PIP5K1B: variants seen among roughly 807,000 people sequenced by gnomAD.
PIP5K1B encodes the protein phosphatidylinositol 4-phosphate 5-kinase type-1 beta.
Under a neutral mutation model 67.0 loss-of-function variants are expected in PIP5K1B, and 42 were observed. That is an observed-to-expected ratio of 0.63 (90% confidence interval 0.49 to 0.81). The LOEUF is 0.81. Among genes scored for constraint, PIP5K1B ranks in the 30% least tolerant of loss-of-function variants. The probability of loss-of-function intolerance (pLI) is 0.00; values close to 1 mark genes in which losing one functional copy is unlikely to be tolerated. For synonymous variants in PIP5K1B, 214 were observed against 231.4 expected (o/e 0.92, Z 0.68); for missense variants, 459 against 646.3 (o/e 0.71, Z 3.14).
intron 14 of PIP5K1B, among the ~76,000 whole-genome samples, chr9:68,988,955 C>T (rs1197059214): frequency 2.6e-5 from 4 of 151,666 alleles, no homozygotes; most frequent in Non-Finnish European, 5.9e-5. Context: ...ATTAGCGGGA[C>T]GTGGTGGCGG....
intron 12 of PIP5K1B, among the ~76,000 whole-genome samples, chr9:68,930,107 C>T (rs180687026): frequency 3.3e-4 from 51 of 152,320 alleles, no homozygotes; most frequent in Admixed American, 8.5e-4. Flanking sequence ...CCTTGGTATC[C>T]TTTGGAAGCT....
chr9:68,893,403 G>A (rs771551449), intron 7 of PIP5K1B, among the ~76,000 whole-genome samples: 2 of 130,412 alleles, frequency 1.5e-5, no homozygotes, highest in African/African-American at 2.9e-5. Context: ...GCATGATCTC[G>A]GCTTAGTGCA....
chr9:68,966,986 A>G (rs937364797), intron 14 of PIP5K1B, among the ~76,000 whole-genome samples: 2 of 152,162 alleles, frequency 1.3e-5, no homozygotes, highest in Non-Finnish European at 2.9e-5. Flanking sequence ...ACTATGATTG[A>G]TTTATTATGC....
intron 2 of PIP5K1B, among the ~76,000 whole-genome samples, chr9:68,747,245 C>A (rs369416789): frequency 2.4e-4 from 35 of 147,792 alleles, no homozygotes; most frequent in Non-Finnish European, 1.6e-4. Context: ...AGGCTTATCT[C>A]GTATGTGCAC....
At chr9:68,880,847 C>G (rs936473570) in intron 6 of PIP5K1B, among the ~76,000 whole-genome samples, 2 of 152,186 alleles carry the variant, frequency 1.3e-5, no homozygotes, top group African/African-American at 4.8e-5. Flanking sequence ...CTGGGGACAC[C>G]TGCAGCACAG....
intron 4 of PIP5K1B, chr9:68,824,381 C>T: frequency 2.4e-6 from 1 of 415,926 alleles, no homozygotes; most frequent in South Asian, 1.8e-5. Context: ...AGCAGGTTTT[C>T]AATAATTAGT....
At chr9:68,780,176 G>A in intron 2 of PIP5K1B, 1 of 1,525,388 alleles carries the variant, frequency 6.6e-7, no homozygotes, top group South Asian at 1.3e-5. Flanking sequence ...TGGCTCAGGA[G>A]AAGATGGAGC....
chr9:68,899,994 C>T (rs1270173763), intron 8 of PIP5K1B, among the ~76,000 whole-genome samples: 1 of 152,198 alleles, frequency 6.6e-6, no homozygotes, highest in Non-Finnish European at 1.5e-5. Flanking sequence ...GTGCAACTCC[C>T]ATTTAGAAGT....
chr9:68,773,242 C>T (rs998845055), intron 2 of PIP5K1B, among the ~76,000 whole-genome samples: 4 of 152,218 alleles, frequency 2.6e-5, no homozygotes, highest in African/African-American at 9.7e-5. Context: ...TCCTCCACCC[C>T]CTTGGCAAAT....
intron 1 of PIP5K1B, among the ~76,000 whole-genome samples, chr9:68,718,892 T>C (rs998530350): frequency 1.2e-4 from 19 of 152,196 alleles, no homozygotes; most frequent in African/African-American, 4.6e-4. Flanking sequence ...TCACTCATTG[T>C]TGGCTATTGA....
intron 2 of PIP5K1B, among the ~76,000 whole-genome samples, chr9:68,762,159 T>C (rs1457427540): frequency 6.6e-6 from 1 of 152,104 alleles, no homozygotes; most frequent in African/African-American, 2.4e-5. Flanking sequence ...AAGGTTCTTT[T>C]ACCTAAGATC....
intron 4 of PIP5K1B, among the ~76,000 whole-genome samples, chr9:68,833,568 C>A (rs1446846975): frequency 6.6e-6 from 1 of 151,988 alleles, no homozygotes; most frequent in Non-Finnish European, 1.5e-5. Context: ...ACTGCCCCCC[C>A]ACCCCCCGAC....
rs1406419414 is a variant in PIP5K1B, at chr9:68,991,359, G to C, written c.1620+102G>C. Reference sequence around the variant, plus strand: ...GTTCAATAAAACCAGGCATGCTTGGGTTTTAAAAGAAATGATGGCGCCCTT... The same window carrying C: ...GTTCAATAAAACCAGGCATGCTTGGCTTTTAAAAGAAATGATGGCGCCCTT... On this transcript the variant is annotated intron_variant, in intron 15 of 15. Coordinates refer to ENST00000265382, the MANE Select transcript of PIP5K1B (RefSeq NM_003558.4). The C allele has an allele frequency of 8.8e-6, 6 of 681,510 alleles. No homozygotes were observed. In the Admixed American group the frequency reaches 1.5e-4, roughly 17 times the overall value. The allele number at this position is 681,510 out of a possible 1,614,324, so 42.2% of individuals were successfully genotyped here.
At chr9:68,912,616 A>G (rs1297106835) in intron 8 of PIP5K1B, among the ~76,000 whole-genome samples, 1 of 152,180 alleles carries the variant, frequency 6.6e-6, no homozygotes, top group Admixed American at 6.5e-5. Context: ...AGGAATCCCT[A>G]TTATAGAGAT....
intron 8 of PIP5K1B, among the ~76,000 whole-genome samples, chr9:68,906,306 G>C (rs540379281): frequency 1.3e-5 from 2 of 152,230 alleles, no homozygotes; most frequent in Admixed American, 1.3e-4. Context: ...GGTGTGAGCC[G>C]CTGTACTCGG....
At chr9:68,864,036 G>A in intron 5 of PIP5K1B, 69 bp downstream of exon 5, 1 of 1,459,940 alleles carries the variant, frequency 6.8e-7, no homozygotes, top group Non-Finnish European at 9.5e-7. Context: ...CCATATTGAA[G>A]GGCTTTTCTA....
intron 1 of PIP5K1B, among the ~76,000 whole-genome samples, chr9:68,740,339 A>G (rs1297595420): frequency 6.6e-6 from 1 of 152,194 alleles, no homozygotes; most frequent in Non-Finnish European, 1.5e-5. Context: ...TGATTTCTAT[A>G]CATGTTTTTG....
chr9:68,984,782 A>G (rs1830029114), intron 14 of PIP5K1B, among the ~76,000 whole-genome samples: 1 of 152,176 alleles, frequency 6.6e-6, no homozygotes. Context: ...ATCATATACC[A>G]TATTTGTTTT....
At chr9:68,726,862 C>A (rs1415570409) in intron 1 of PIP5K1B, among the ~76,000 whole-genome samples, 1 of 152,048 alleles carries the variant, frequency 6.6e-6, no homozygotes, top group East Asian at 1.9e-4. Flanking sequence ...CTCATTGTAG[C>A]TTTAAATTGC....
Sources: allele counts gnomAD v4.1 joint callset (sites outside exome capture counted in the v4.1 genomes callset), GRCh38; gene constraint gnomAD v4.1.1; transcripts MANE v1.5; gene names NCBI Gene and HGNC (gene_info 2026-07-23, HGNC 2026-07-21).